The following RXRG variants were observed in gnomAD, a reference collection of about 807,000 sequenced individuals.
The protein encoded by RXRG is retinoid X receptor gamma.
RXRG carries 19 observed loss-of-function variants against 49.2 expected under a neutral mutation model. That is an observed-to-expected ratio of 0.39 (90% confidence interval 0.27 to 0.57). The LOEUF is 0.57. Ranked by LOEUF, RXRG falls within the 20% of genes least tolerant of loss-of-function variation. RXRG has a pLI of 0.64. For synonymous variants in RXRG, 224 were observed against 216.6 expected, an observed-to-expected ratio of 1.03 and a Z score of -0.30; for missense variants, 452 against 592.5, an observed-to-expected ratio of 0.76 and a Z score of 2.46.
chr1:165,424,629 C>A, intron 2 of RXRG: 2 of 260,426 alleles, frequency 7.7e-6, no homozygotes, highest in Non-Finnish European at 1.2e-5. Flanking sequence ...GATCAAAAAT[C>A]CAACAACTGC....
intron 1 of RXRG, chr1:165,437,133 C>T: frequency 1.5e-6 from 2 of 1,367,722 alleles, no homozygotes; most frequent in Non-Finnish European, 2.0e-6. Flanking sequence ...GGGTTCAGGG[C>T]TCACAGTATC....
intron 4 of RXRG, among the ~76,000 whole-genome samples, chr1:165,413,460 G>C (rs1658017837): frequency 6.6e-6 from 1 of 152,090 alleles, no homozygotes; most frequent in South Asian, 2.1e-4. Context: ...AGAGAAACTA[G>C]TAACATATCT....
Position 165,419,953 on chromosome 1 carries a change from C to CT in RXRG, c.358_359insA (p.Gly120GlufsTer17). The CT allele has an allele frequency of 6.2e-7, 1 of 1,613,332 alleles. No individual in the cohort carries two copies. Among genetic ancestry groups the CT allele is most frequent in the Non-Finnish European group, 8.5e-7 (1 of 1,179,618 alleles). ...GGATGGGTAGTTCATGTTTCCAATC[C>CT]CGGGAAGCCCTGGTAAGGGCTTGAT... On this transcript the variant is annotated frameshift_variant, in exon 3 of 10. Coordinates refer to ENST00000359842, the MANE Select transcript of RXRG (RefSeq NM_006917.5). LOFTEE classifies it high-confidence loss of function.
At chr1:165,442,362 A>G (rs990344132) in intron 1 of RXRG, among the ~76,000 whole-genome samples, 14 of 152,260 alleles carry the variant, frequency 9.2e-5, no homozygotes, top group African/African-American at 3.4e-4. Context: ...CCTCAACAGA[A>G]CTAAACAAAA....
intron 9 of RXRG, among the ~76,000 whole-genome samples, chr1:165,402,877 T>G (rs553673736): frequency 6.6e-6 from 1 of 152,220 alleles, no homozygotes; most frequent in African/African-American, 2.4e-5. Context: ...TACTCACACA[T>G]GTGCACACAC....
intron 1 of RXRG, among the ~76,000 whole-genome samples, chr1:165,432,658 T>C (rs1380178309): frequency 1.3e-5 from 2 of 152,194 alleles, no homozygotes; most frequent in Non-Finnish European, 2.9e-5. Context: ...AGATACCTGA[T>C]TATATCTTAT....
At chr1:165,424,714 C>T (rs1658426189) in intron 2 of RXRG, 1 of 920,056 alleles carries the variant, frequency 1.1e-6, no homozygotes, top group Non-Finnish European at 1.3e-6. Flanking sequence ...CACCCCTAGA[C>T]ACTTCCTCCT....
intron 2 of RXRG, among the ~76,000 whole-genome samples, chr1:165,422,622 A>G (rs1658359425): frequency 6.6e-6 from 1 of 152,232 alleles, no homozygotes; most frequent in Non-Finnish European, 1.5e-5. Context: ...ATGGGAGATA[A>G]TGCTGAGAAG....
intron 4 of RXRG, 114 bp downstream of exon 4, chr1:165,416,927 T>A (rs1658144099): frequency 1.0e-6 from 1 of 997,544 alleles, no homozygotes; most frequent in Non-Finnish European, 1.5e-6. Context: ...AAATTTGAAG[T>A]GGAGATTAGG....
At chr1:165,438,853 T>C (rs1052351902) in intron 1 of RXRG, among the ~76,000 whole-genome samples, 3 of 152,172 alleles carry the variant, frequency 2.0e-5, no homozygotes, top group Non-Finnish European at 4.4e-5. Flanking sequence ...ATTCACAAAA[T>C]AATAATAAAA....
intron 9 of RXRG, among the ~76,000 whole-genome samples, chr1:165,402,589 A>G (rs1657615484): frequency 6.6e-6 from 1 of 151,786 alleles, no homozygotes; most frequent in South Asian, 2.1e-4. Context: ...ACACATCCTC[A>G]CCACTCACAC....
At chr1:165,444,215 A>G (rs1159859791) in intron 1 of RXRG, among the ~76,000 whole-genome samples, 1 of 152,144 alleles carries the variant, frequency 6.6e-6, no homozygotes, top group African/African-American at 2.4e-5. Flanking sequence ...AAGTGATTGC[A>G]GCAACTCTTG....
intron 2 of RXRG, among the ~76,000 whole-genome samples, chr1:165,423,354 G>A (rs1658383891): frequency 6.6e-6 from 1 of 152,174 alleles, no homozygotes; most frequent in Non-Finnish European, 1.5e-5. Context: ...CCTGAGAACA[G>A]GAAAGAAACA....
At chr1:165,440,197 G>T (rs1658938284) in intron 1 of RXRG, among the ~76,000 whole-genome samples, 1 of 152,166 alleles carries the variant, frequency 6.6e-6, no homozygotes, top group Non-Finnish European at 1.5e-5. Context: ...ATCCAGATCT[G>T]CTGCTTTTCC....
chr1:165,403,455 A>G (rs908881083), intron 9 of RXRG, among the ~76,000 whole-genome samples: 2 of 152,248 alleles, frequency 1.3e-5, no homozygotes, highest in African/African-American at 4.8e-5. Context: ...CACTTATGCC[A>G]TAAGACATTT....
chr1:165,423,523 C>T (rs540109764), intron 2 of RXRG, among the ~76,000 whole-genome samples: 3 of 152,340 alleles, frequency 2.0e-5, no homozygotes, highest in Admixed American at 6.5e-5. Context: ...CAGGCACTCC[C>T]GTTCCAGGGA....
Position 165,444,903 on chromosome 1 carries a change from T to C in RXRG, c.-10A>G. 1 of 1,612,742 alleles carries C rather than the reference T, an allele frequency of 6.2e-7. No homozygotes were observed. Among genetic ancestry groups the C allele is most frequent in the Non-Finnish European group, 8.5e-7 (1 of 1,178,750 alleles). ...AATAATTTCCATACATGTTTACTCGTCAGTTCATGTTCCTCTCCTGTGCAG... is the reference window on the plus strand; with the variant it reads ...AATAATTTCCATACATGTTTACTCGCCAGTTCATGTTCCTCTCCTGTGCAG... On this transcript the variant is annotated 5_prime_UTR_variant, in exon 1 of 10. The change abolishes the stop of an existing upstream ORF in the 5' untranslated region. Transcript: ENST00000359842.
intron 2 of RXRG, among the ~76,000 whole-genome samples, chr1:165,425,618 A>G (rs993185268): frequency 4.6e-5 from 7 of 152,190 alleles, no homozygotes; most frequent in African/African-American, 1.7e-4. Context: ...AACCTCATAC[A>G]TTATGAAGCA....
rs149347387 is a variant in RXRG at position 165,420,249 on chromosome 1, A to T, written c.298-235T>A. Among the ~76,000 whole-genome samples, 28 of 152,300 alleles carry T rather than the reference A, an allele frequency of 1.8e-4. No homozygotes were observed. In the East Asian group the frequency reaches 5.4e-3, roughly 29 times the overall value. On this transcript the variant is annotated intron_variant, in intron 2 of 9. Coordinates refer to ENST00000359842, the MANE Select transcript of RXRG (RefSeq NM_006917.5). ...AAACTTAAACCAAAAATCACAACAC[A>T]TCTCCATTAGAGTCTATCTGCTTTT... is the stretch of plus-strand genomic sequence containing the variant.
Sources: gnomAD v4.1 joint callset for allele counts (sites outside exome capture counted in the v4.1 genomes callset) on GRCh38, gnomAD v4.1.1 for gene constraint, MANE v1.5 for transcripts, NCBI Gene and HGNC (gene_info 2026-07-23, HGNC 2026-07-21) for gene names.